Variants in KIAA2012 observed in about 807,000 individuals in gnomAD.
KIAA2012 encodes the protein uncharacterized protein KIAA2012.
KIAA2012 carries 125 observed loss-of-function variants against 150.6 expected under a neutral mutation model. The ratio of observed to expected loss-of-function variants is 0.83; its 90% CI spans 0.72 to 0.96. The LOEUF is 0.96. KIAA2012 is among the 40% of genes least tolerant of loss of function. The pLI is 0.00. For synonymous variants in KIAA2012, 462 were observed against 504.7 expected (o/e 0.92, Z 1.13); for missense variants, 1,219 against 1,354.9 (o/e 0.90, Z 1.57).
chr2:202,119,197 G>A (rs1690600347), intron 11 of KIAA2012, among the ~76,000 whole-genome samples: 1 of 151,932 alleles, frequency 6.6e-6, no homozygotes. Context: ...ACTTGAACCT[G>A]GGAGGCAGAG....
rs1401044203 is a variant in KIAA2012, at chr2:202,196,783, C to A, written c.3188-17C>A. The stretch of plus-strand genomic sequence containing the variant: ...AAAATGATCCCTGCTGAGCCCACCC[C>A]CTTTTCTATTCTGCAGAGGCAGAGA... On this transcript the variant is annotated splice_polypyrimidine_tract_variant and intron_variant, in intron 21 of 23. Coordinates refer to ENST00000498697, the MANE Select transcript of KIAA2012 (RefSeq NM_001277372.4). The A allele has an allele frequency of 2.6e-6, 4 of 1,548,632 alleles. No individual in the cohort carries two copies. Among genetic ancestry groups the A allele is most frequent in the Admixed American group, 3.9e-5 (2 of 50,772 alleles).
chr2:202,181,452 G>A (rs760647863), intron 15 of KIAA2012, among the ~76,000 whole-genome samples: 45 of 152,076 alleles, frequency 3.0e-4, no homozygotes, highest in Non-Finnish European at 5.4e-4. Flanking sequence ...GTGTGGTGGT[G>A]TACACCTGTA....
chr2:202,152,058 C>G (rs1465437187), intron 13 of KIAA2012, among the ~76,000 whole-genome samples: 2 of 152,198 alleles, frequency 1.3e-5, no homozygotes, highest in Admixed American at 1.3e-4. Flanking sequence ...AGCCACTGCA[C>G]CGGACCTAGC....
chr2:202,160,778 A>G (rs1691637655), intron 14 of KIAA2012, among the ~76,000 whole-genome samples: 1 of 152,250 alleles, frequency 6.6e-6, no homozygotes, highest in African/African-American at 2.4e-5. Flanking sequence ...GGTATGTTAC[A>G]TGGAATTTCC....
intron 19 of KIAA2012, among the ~76,000 whole-genome samples, chr2:202,192,479 G>T (rs1246167312): frequency 2.1e-5 from 3 of 144,150 alleles, no homozygotes; most frequent in African/African-American, 7.6e-5. Context: ...TTTTTTTAGA[G>T]GGAGCTTCAC....
chr2:202,120,269 C>T (rs1202208512), intron 11 of KIAA2012, among the ~76,000 whole-genome samples: 1 of 152,140 alleles, frequency 6.6e-6, no homozygotes, highest in Non-Finnish European at 1.5e-5. Context: ...CCACCTACTC[C>T]AGGGGCTGAG....
intron 5 of KIAA2012, among the ~76,000 whole-genome samples, chr2:202,098,789 C>CGTGTGT (rs10536026): frequency 0.19 from 27,849 of 148,322 alleles, 2,819 homozygotes; most frequent in African/African-American, 0.26. Flanking sequence ...ACTCTAAGGC[C>CGTGTGT]GTGTGTGTGT....
rs1692197227 is a variant in KIAA2012 at position 202,184,891 on chromosome 2, G to A, written c.2210+48G>A. Reference sequence around the variant, plus strand: ...ACATAGGCTTCTCTGCTTTTATTTTGTTTGTATTTTTAATTGGTTTAGTTT... The same window carrying A: ...ACATAGGCTTCTCTGCTTTTATTTTATTTGTATTTTTAATTGGTTTAGTTT... On this transcript the variant is annotated intron_variant, in intron 16 of 23. Transcript: ENST00000498697. The A allele has an allele frequency of 6.2e-6, 9 of 1,452,228 alleles. No individual in the cohort carries two copies. In the South Asian group the frequency reaches 1.0e-4, roughly 17 times the overall value. The allele number at this position is 1,452,228 out of a possible 1,614,324, so 90.0% of individuals were successfully genotyped here.
chr2:202,124,931 G>A lies in KIAA2012; in HGVS notation c.1763-283G>A, dbSNP rs145106106. ...TAAAAATCCAAAAAATTAGCCAGGC[G>A]TGGTGGCACATGCCCGTAATGCCAG... On this transcript the variant is annotated intron_variant, in intron 11 of 23. Coordinates refer to ENST00000498697, the MANE Select transcript of KIAA2012 (RefSeq NM_001277372.4). 1.2e-3 allele frequency among the ~76,000 whole-genome samples: 188 copies of A among 152,284 alleles called. 1 individual carries two copies. The highest frequency in any genetic ancestry group is 0.01 in the South Asian group (50 of 4,830).
At chr2:202,078,426 C>T (rs1426445504) in intron 2 of KIAA2012, among the ~76,000 whole-genome samples, 3 of 152,144 alleles carry the variant, frequency 2.0e-5, no homozygotes, top group Non-Finnish European at 4.4e-5. Context: ...GTAGCTGAGA[C>T]TACTGGCTCA....
At chr2:202,127,583 G>A (rs1383356724) in intron 12 of KIAA2012, among the ~76,000 whole-genome samples, 1 of 152,194 alleles carries the variant, frequency 6.6e-6, no homozygotes, top group African/African-American at 2.4e-5. Context: ...TACAGAAGGG[G>A]CCATGACAGT....
In KIAA2012 at chr2:202,188,204, A is replaced by G; in HGVS notation, c.2429A>G (p.Lys810Arg). 1 of 1,550,726 alleles carries G rather than the reference A, an allele frequency of 6.4e-7. No individual in the cohort carries two copies. The highest frequency in any genetic ancestry group is 8.7e-7 in the Non-Finnish European group (1 of 1,147,010). Residue 810 changes from lysine (K) to arginine (R), a missense_variant, in exon 18 of 24, where the codon AAA becomes AGA. By Grantham distance (26) the Lys-to-Arg change is conservative (BLOSUM62 2). Coordinates refer to ENST00000498697, the MANE Select transcript of KIAA2012 (RefSeq NM_001277372.4). ...AKRKEKPKKD[K>R]TKGPKSEREG... ...AGAAAGGAAAAACCCAAGAAAGACAAAACCAAAGGACCCAAAAGCGAGAGA... is the reference window on the plus strand; with the variant it reads ...AGAAAGGAAAAACCCAAGAAAGACAGAACCAAAGGACCCAAAAGCGAGAGA...
chr2:202,127,084 AG>A (rs1690809965), intron 12 of KIAA2012, among the ~76,000 whole-genome samples: 1 of 150,648 alleles, frequency 6.6e-6, no homozygotes, highest in Non-Finnish European at 1.5e-5. Flanking sequence ...CAACTTCTAG[AG>A]ATATCATAGG....
intron 12 of KIAA2012, chr2:202,138,013 C>G (rs2105944191): frequency 6.4e-6 from 1 of 156,466 alleles, no homozygotes; most frequent in Non-Finnish European, 1.4e-5. Context: ...CCTCTGATCT[C>G]TCTATTTGGA....
At chr2:202,188,750 A>G (rs1692275788) in intron 18 of KIAA2012, among the ~76,000 whole-genome samples, 1 of 152,214 alleles carries the variant, frequency 6.6e-6, no homozygotes, top group African/African-American at 2.4e-5. Context: ...ATAAAATAAT[A>G]ACTATATCAC....
intron 13 of KIAA2012, among the ~76,000 whole-genome samples, chr2:202,143,111 G>C: frequency 7.4e-6 from 1 of 135,042 alleles, no homozygotes; most frequent in Admixed American, 8.1e-5. Flanking sequence ...TTGAGATAGA[G>C]TCTTGCTCTG....
In KIAA2012 at chr2:202,105,877, G is replaced by C. The variant is rs2105924863; in HGVS notation, c.1441G>C (p.Val481Leu). ...TPWELTVHLP[V>L]DASRDTLSPQ... The stretch of plus-strand genomic sequence containing the variant: ...ATGGGAGTTAACAGTGCATCTCCCA[G>C]TGGACGCGAGCAGGGACACACTCTC... Residue 481 changes from valine (V) to leucine (L), a missense_variant, in exon 9 of 24, where the codon GTG (valine) becomes CTG (leucine). Coordinates refer to ENST00000498697, the MANE Select transcript of KIAA2012 (RefSeq NM_001277372.4). 1.3e-6 allele frequency: 2 copies of C among 1,550,914 alleles called. No individual in the cohort carries two copies. The highest frequency in any genetic ancestry group is 1.7e-4 in the Middle Eastern group (1 of 5,996).
At chr2:202,148,411 G>A (rs778624529) in intron 13 of KIAA2012, among the ~76,000 whole-genome samples, 12 of 151,884 alleles carry the variant, frequency 7.9e-5, no homozygotes, top group African/African-American at 2.2e-4. Context: ...CCTGACAGGC[G>A]GAGAACAAGA....
chr2:202,185,406 C>T, intron 16 of KIAA2012, among the ~76,000 whole-genome samples: 1 of 152,098 alleles, frequency 6.6e-6, no homozygotes, highest in Non-Finnish European at 1.5e-5. Flanking sequence ...TGTGACTTCC[C>T]AAAAACCTCG....
Sources: allele counts gnomAD v4.1 joint callset (sites outside exome capture counted in the v4.1 genomes callset), GRCh38; gene constraint gnomAD v4.1.1; transcripts MANE v1.5; gene names NCBI Gene and HGNC (gene_info 2026-07-23, HGNC 2026-07-21).